Variants in LRBA observed in about 807,000 individuals in gnomAD.
LRBA encodes the protein lipopolysaccharide-responsive and beige-like anchor protein.
In LRBA, 176 loss-of-function variants were observed where a neutral mutation model predicts 330.0. The observed-to-expected ratio is 0.53, with a 90% CI of 0.47 to 0.60. The LOEUF (loss-of-function observed/expected upper bound fraction) is 0.60, where lower values mean the gene tolerates loss of function less well. Ranked by LOEUF, LRBA falls within the 20% of genes least tolerant of loss-of-function variation. The pLI is 0.00. For missense variants in LRBA, 3,259 were observed against 3,444.8 expected (o/e 0.95, Z 1.35); for synonymous variants, 1,230 against 1,193.0 (o/e 1.03, Z -0.64).
chr4:150,369,416 T>C (rs1040639420), intron 47 of LRBA, among the ~76,000 whole-genome samples: 1 of 152,182 alleles, frequency 6.6e-6, no homozygotes, highest in Non-Finnish European at 1.5e-5. Context: ...TTAACCCAGG[T>C]TGCCTTTTTA....
At chr4:150,747,693 T>C (rs1336584957) in intron 35 of LRBA, among the ~76,000 whole-genome samples, 1 of 152,230 alleles carries the variant, frequency 6.6e-6, no homozygotes, top group Non-Finnish European at 1.5e-5. Flanking sequence ...AGCACTTTCT[T>C]GGTTTTCCTC....
intron 36 of LRBA, among the ~76,000 whole-genome samples, chr4:150,726,147 CAAT>C (rs1729636126): frequency 6.6e-6 from 1 of 152,040 alleles, no homozygotes; most frequent in Non-Finnish European, 1.5e-5. Context: ...CTCTACTTAT[CAAT>C]AATAACATTA....
At chr4:150,622,077 C>T (rs564927116) in intron 37 of LRBA, among the ~76,000 whole-genome samples, 10 of 152,118 alleles carry the variant, frequency 6.6e-5, no homozygotes, top group Non-Finnish European at 1.5e-4. Flanking sequence ...TTTCTTTACC[C>T]TGTTGAATGT....
chr4:150,528,151 G>A (rs1763665090), intron 40 of LRBA, among the ~76,000 whole-genome samples: 1 of 152,024 alleles, frequency 6.6e-6, no homozygotes, highest in Admixed American at 6.6e-5. Context: ...ATCAACTTCT[G>A]ATTTTATTTA....
At chr4:150,903,598 T>C (rs1176865939) in intron 13 of LRBA, among the ~76,000 whole-genome samples, 1 of 151,024 alleles carries the variant, frequency 6.6e-6, no homozygotes, top group African/African-American at 2.4e-5. Flanking sequence ...AAATTAGCTG[T>C]GTGTGGTGGT....
At chr4:150,349,164 C>T (rs913826535) in intron 48 of LRBA, among the ~76,000 whole-genome samples, 2 of 152,098 alleles carry the variant, frequency 1.3e-5, no homozygotes, top group South Asian at 2.1e-4. Flanking sequence ...ACATACCTTC[C>T]GCATGATCAG....
At chr4:150,341,599 T>A (rs1330568915) in intron 48 of LRBA, among the ~76,000 whole-genome samples, 1 of 152,136 alleles carries the variant, frequency 6.6e-6, no homozygotes, top group East Asian at 1.9e-4. Context: ...TTCACTGACT[T>A]AACTCAAATT....
chr4:150,493,210 C>A (rs955052397), intron 40 of LRBA, among the ~76,000 whole-genome samples: 2 of 152,156 alleles, frequency 1.3e-5, no homozygotes, highest in Non-Finnish European at 2.9e-5. Context: ...TCTTGAACTC[C>A]TGGGCTCAAG....
chr4:150,500,378 C>A (rs1760111603), intron 40 of LRBA, among the ~76,000 whole-genome samples: 2 of 151,934 alleles, frequency 1.3e-5, no homozygotes, highest in Non-Finnish European at 2.9e-5. Flanking sequence ...TAGTTCAAGA[C>A]CAGCCTGGCC....
rs899233426 is a variant in LRBA, at chr4:150,787,499, C to T, written c.5580+10582G>A. Among the ~76,000 whole-genome samples the T allele has an allele frequency of 1.2e-4, 19 of 152,098 alleles. 1 individual carries two copies. Among genetic ancestry groups the T allele is most frequent in the Admixed American group, 1.1e-3 (17 of 15,272 alleles). ...CTAGTTAAAAACTTCCTAGCATCTTCTATCTCAATACTTTTTGTTTTTTTC... is the reference window on the plus strand; with the variant it reads ...CTAGTTAAAAACTTCCTAGCATCTTTTATCTCAATACTTTTTGTTTTTTTC... On this transcript the variant is annotated intron_variant, in intron 34 of 56. Coordinates refer to ENST00000651943, the MANE Select transcript of LRBA (RefSeq NM_001364905.1).
At chr4:150,276,753 A>G (rs970912169) in intron 56 of LRBA, among the ~76,000 whole-genome samples, 10 of 152,344 alleles carry the variant, frequency 6.6e-5, no homozygotes, top group African/African-American at 2.2e-4. Flanking sequence ...CAGAATGGCA[A>G]TCATTAAAAA....
chr4:150,369,930 T>C (rs1033150335), intron 47 of LRBA, among the ~76,000 whole-genome samples: 4 of 152,154 alleles, frequency 2.6e-5, no homozygotes, highest in Non-Finnish European at 4.4e-5. Flanking sequence ...GATGCTGACA[T>C]GTTCTTGATC....
At position 150,627,349 on chromosome 4, in the gene LRBA, T is replaced by C. The variant is rs937714802; in HGVS notation, c.5922-28218A>G. Among the ~76,000 whole-genome samples, 6 of 152,164 alleles carry C rather than the reference T, an allele frequency of 3.9e-5. No individual in the cohort carries two copies. In the East Asian group the frequency reaches 1.2e-3, roughly 29 times the overall value. On this transcript the variant is annotated intron_variant, in intron 37 of 56. Transcript: ENST00000651943. ...ATTCTAAGGTACTTTGACAAAAAAA[T>C]TCTACAATAAATGACATATAACAAG...
At position 150,487,836 on chromosome 4, in the gene LRBA, T is replaced by C; in HGVS notation, c.6449-2A>G. On this transcript the variant is annotated splice_acceptor_variant, in intron 41 of 56. Coordinates refer to ENST00000651943, the MANE Select transcript of LRBA (RefSeq NM_001364905.1). LOFTEE classifies it high-confidence loss of function. ...CTGGGAAGTTGAACATCACAGCAAC[T>C]ACAACAGATGATTTTTAAAAATTAG... is the stretch of plus-strand genomic sequence containing the variant. The C allele has an allele frequency of 2.6e-6, 4 of 1,530,602 alleles. No individual in the cohort carries two copies. The highest frequency in any genetic ancestry group is 3.6e-6 in the Non-Finnish European group (4 of 1,114,404). The allele number at this position is 1,530,602 out of a possible 1,614,324, so 94.8% of individuals were successfully genotyped here.
intron 2 of LRBA, among the ~76,000 whole-genome samples, chr4:150,955,015 C>A (rs578218204): frequency 6.7e-6 from 1 of 149,056 alleles, no homozygotes; most frequent in African/African-American, 2.6e-5. Context: ...GTGGCTCACA[C>A]CTGTAATCCC....
intron 17 of LRBA, among the ~76,000 whole-genome samples, chr4:150,879,823 C>T (rs1728166484): frequency 6.6e-6 from 1 of 152,154 alleles, no homozygotes; most frequent in African/African-American, 2.4e-5. Context: ...CTGCCCAAAG[C>T]AATCCACAGA....
At chr4:150,825,890 A>G (rs916839256) in intron 30 of LRBA, among the ~76,000 whole-genome samples, 2 of 152,164 alleles carry the variant, frequency 1.3e-5, no homozygotes, top group Admixed American at 6.6e-5. Context: ...GCCATTTCCA[A>G]AGAAATTAAT....
rs1328523728 is a variant in LRBA, at chr4:150,389,161, A to G, written c.7194+26277T>C. Among the ~76,000 whole-genome samples the G allele has an allele frequency of 2.0e-5, 3 of 152,148 alleles. No homozygotes were observed. In the South Asian group the frequency reaches 6.2e-4, roughly 32 times the overall value. ...AAGATTATCTTATTAACTTTTATAA[A>G]GGCAGTAAATTTAGGGCTAGGAAAA... On this transcript the variant is annotated intron_variant, in intron 47 of 56. Coordinates refer to ENST00000651943, the MANE Select transcript of LRBA (RefSeq NM_001364905.1).
chr4:150,655,852 C>T (rs1780132762), intron 37 of LRBA, among the ~76,000 whole-genome samples: 1 of 152,108 alleles, frequency 6.6e-6, no homozygotes, highest in African/African-American at 2.4e-5. Context: ...TGACATGGAA[C>T]CTCAAGGGTC....
Sources: gnomAD v4.1 joint callset for allele counts (sites outside exome capture counted in the v4.1 genomes callset) on GRCh38, gnomAD v4.1.1 for gene constraint, MANE v1.5 for transcripts, NCBI Gene and HGNC (gene_info 2026-07-23, HGNC 2026-07-21) for gene names.